Variants in HSD17B12 observed in about 807,000 individuals in gnomAD.
HSD17B12 encodes very-long-chain 3-oxoacyl-CoA reductase.
In HSD17B12, 32 loss-of-function variants were observed where a neutral mutation model predicts 39.3. The ratio of observed to expected loss-of-function variants is 0.81; its 90% CI spans 0.61 to 1.09. The LOEUF is 1.09. Among genes scored for constraint, HSD17B12 ranks in the 50% least tolerant of loss-of-function variants. The pLI, the probability that HSD17B12 is intolerant of heterozygous loss-of-function variation, is 0.00. For synonymous variants in HSD17B12, 150 were observed against 146.7 expected, an observed-to-expected ratio of 1.02 and a Z score of -0.16; for missense variants, 342 against 382.9, an observed-to-expected ratio of 0.89 and a Z score of 0.89.
chr11:43,705,825 G>C (rs1445679926), intron 1 of HSD17B12, among the ~76,000 whole-genome samples: 1 of 124,868 alleles, frequency 8.0e-6, no homozygotes, highest in East Asian at 2.4e-4. Context: ...CTGGAATGCA[G>C]TGACATGCTC....
At chr11:43,651,585 A>G in the HSD17B12 span, among the ~76,000 whole-genome samples, 26 of 151,934 alleles carry the variant, frequency 1.7e-4, 1 homozygote, top group East Asian at 4.3e-3. Context: ...CCATTGGTTG[A>G]TTGATTGATT....
the HSD17B12 span, among the ~76,000 whole-genome samples, chr11:43,639,281 C>T: frequency 6.6e-6 from 1 of 152,208 alleles, no homozygotes; most frequent in Non-Finnish European, 1.5e-5. Context: ...CCTAACAGCA[C>T]AGCCCGCCCA....
intron 3 of HSD17B12, among the ~76,000 whole-genome samples, chr11:43,782,557 T>C (rs1260833249): frequency 2.0e-5 from 3 of 151,752 alleles, no homozygotes; most frequent in Non-Finnish European, 4.4e-5. Context: ...GAGCCTGTAG[T>C]CCCAGCTACT....
At chr11:43,669,038 T>C in the HSD17B12 span, among the ~76,000 whole-genome samples, 1 of 151,626 alleles carries the variant, frequency 6.6e-6, no homozygotes, top group Admixed American at 6.6e-5. Context: ...GCCACTGATA[T>C]TGAAGAAAAT....
the HSD17B12 span, among the ~76,000 whole-genome samples, chr11:43,612,872 G>A: frequency 6.6e-6 from 1 of 152,170 alleles, no homozygotes; most frequent in African/African-American, 2.4e-5. Context: ...GTGGAACTGG[G>A]TGAGAAATGG....
the HSD17B12 span, among the ~76,000 whole-genome samples, chr11:43,560,378 C>G: frequency 6.6e-6 from 1 of 152,176 alleles, no homozygotes; most frequent in African/African-American, 2.4e-5. Flanking sequence ...TCTGTGTCAA[C>G]ATTTTCAGCA....
intron 1 of HSD17B12, among the ~76,000 whole-genome samples, chr11:43,739,728 T>G (rs1309779169): frequency 2.6e-5 from 4 of 152,172 alleles, no homozygotes; most frequent in Non-Finnish European, 5.9e-5. Flanking sequence ...AAGGGACACA[T>G]TAAAACCATA....
chr11:43,578,110 C>T, the HSD17B12 span, among the ~76,000 whole-genome samples: 3 of 152,150 alleles, frequency 2.0e-5, no homozygotes, highest in Non-Finnish European at 2.9e-5. Flanking sequence ...TCAAGCTGGC[C>T]CGTGAGGATG....
chr11:43,707,850 G>C (rs1950029927), intron 1 of HSD17B12, among the ~76,000 whole-genome samples: 1 of 152,156 alleles, frequency 6.6e-6, no homozygotes, highest in African/African-American at 2.4e-5. Context: ...TTGGGCTGCT[G>C]TGACAGAATA....
chr11:43,580,233 T>C, the HSD17B12 span, among the ~76,000 whole-genome samples: 1 of 151,686 alleles, frequency 6.6e-6, no homozygotes, highest in African/African-American at 2.4e-5. Flanking sequence ...GGAGATCTCC[T>C]TTCTCCCCAT....
intron 1 of HSD17B12, 155 bp downstream of exon 1, chr11:43,681,142 T>A (rs1330093714): frequency 1.4e-6 from 2 of 1,418,066 alleles, no homozygotes; most frequent in Middle Eastern, 2.6e-4. Context: ...CTGGCTCCCT[T>A]GGCTGTCTTC....
the HSD17B12 span, among the ~76,000 whole-genome samples, chr11:43,601,727 G>T: frequency 6.6e-6 from 1 of 152,188 alleles, no homozygotes; most frequent in African/African-American, 2.4e-5. Context: ...TTCTGCCAGA[G>T]TCAGCTTCTT....
intron 4 of HSD17B12, among the ~76,000 whole-genome samples, chr11:43,807,901 T>A (rs559136608): frequency 6.6e-6 from 1 of 152,220 alleles, no homozygotes; most frequent in Non-Finnish European, 1.5e-5. Flanking sequence ...GCCACCATGC[T>A]AATGAATTTC....
At chr11:43,849,659 C>T (rs151293025) in intron 9 of HSD17B12, among the ~76,000 whole-genome samples, 1 of 152,186 alleles carries the variant, frequency 6.6e-6, no homozygotes, top group Non-Finnish European at 1.5e-5. Context: ...GCAGGCTCAG[C>T]CTCTATCAGC....
chr11:43,815,636 TG>T (rs1210133774), intron 5 of HSD17B12, 135 bp downstream of exon 5: 2 of 513,536 alleles, frequency 3.9e-6, no homozygotes, highest in Non-Finnish European at 7.3e-6. Flanking sequence ...CTGAGTTCCC[TG>T]GGTATGGGCC....
chr11:43,830,657 A>G (rs149751279), intron 6 of HSD17B12: 12 of 184,896 alleles, frequency 6.5e-5, no homozygotes, highest in African/African-American at 2.8e-4. Flanking sequence ...CTGAGAATGC[A>G]TTTTGGGAAA....
the HSD17B12 span, among the ~76,000 whole-genome samples, chr11:43,666,533 A>C: frequency 6.6e-6 from 1 of 152,146 alleles, no homozygotes; most frequent in East Asian, 1.9e-4. Flanking sequence ...TTGTAGAGAC[A>C]GCATCTCACC....
chr11:43,829,266 A>T (rs1951283533), intron 6 of HSD17B12, among the ~76,000 whole-genome samples: 1 of 152,188 alleles, frequency 6.6e-6, no homozygotes, highest in Admixed American at 6.5e-5. Context: ...CAGGCATTGA[A>T]ATCAGTGTTT....
chr11:43,792,673 C>T (rs914659519), intron 3 of HSD17B12, among the ~76,000 whole-genome samples: 1 of 142,142 alleles, frequency 7.0e-6, no homozygotes, highest in Non-Finnish European at 1.5e-5. Context: ...AATTGTCTCT[C>T]AATGTAACCT....
Sources: allele counts gnomAD v4.1 joint callset (sites outside exome capture counted in the v4.1 genomes callset), GRCh38; gene constraint gnomAD v4.1.1; transcripts MANE v1.5; gene names NCBI Gene and HGNC (gene_info 2026-07-23, HGNC 2026-07-21).